The following MAGI2 variants were observed in gnomAD, a reference collection of about 807,000 sequenced individuals.
MAGI2 encodes membrane-associated guanylate kinase, WW and PDZ domain-containing protein 2.
MAGI2 carries 35 observed loss-of-function variants against 133.3 expected under a neutral mutation model. That is an observed-to-expected ratio of 0.26 (90% CI 0.20 to 0.35). The LOEUF is 0.35. MAGI2 is among the 10% of genes least tolerant of loss of function. The pLI is 1.00. For synonymous variants in MAGI2, 729 were observed against 710.6 expected (o/e 1.03, Z -0.41); for missense variants, 1,636 against 1,863.4 (o/e 0.88, Z 2.25).
chr7:78,362,432 C>A (rs551436275), intron 7 of MAGI2, among the ~76,000 whole-genome samples: 1 of 151,966 alleles, frequency 6.6e-6, no homozygotes, highest in African/African-American at 2.4e-5. Flanking sequence ...TACAGAGGGT[C>A]GGGGAGGTAA....
chr7:79,062,756 A>C (rs964666603), intron 1 of MAGI2, among the ~76,000 whole-genome samples: 1 of 152,104 alleles, frequency 6.6e-6, no homozygotes, highest in African/African-American at 2.4e-5. Context: ...CCTGTCATCG[A>C]TGTTTCCTGT....
intron 6 of MAGI2, among the ~76,000 whole-genome samples, chr7:78,424,175 C>T (rs571261465): frequency 1.3e-5 from 2 of 152,210 alleles, no homozygotes; most frequent in Non-Finnish European, 2.9e-5. Flanking sequence ...AGACTTGGTG[C>T]CCTGTGTCCC....
At chr7:79,016,011 T>A (rs144150229) in intron 1 of MAGI2, among the ~76,000 whole-genome samples, 2 of 55,796 alleles carry the variant, frequency 3.6e-5, no homozygotes, top group African/African-American at 6.3e-5. Context: ...GGGGGGGGGG[T>A]GGGGGTTGAG....
chr7:79,420,435 C>A (rs1170658141), intron 1 of MAGI2, among the ~76,000 whole-genome samples: 2 of 151,908 alleles, frequency 1.3e-5, no homozygotes, highest in African/African-American at 4.8e-5. Flanking sequence ...GTTCTGCTTG[C>A]CTTCCTAACC....
intron 9 of MAGI2, among the ~76,000 whole-genome samples, chr7:78,258,805 G>GCTAT (rs1427525895): frequency 9.9e-5 from 15 of 151,984 alleles, no homozygotes; most frequent in African/African-American, 3.1e-4. Context: ...TTTAGTGATG[G>GCTAT]CTATATTACT....
chr7:78,086,868 C>T (rs1816700258), intron 20 of MAGI2, among the ~76,000 whole-genome samples: 2 of 151,896 alleles, frequency 1.3e-5, no homozygotes, highest in Middle Eastern at 3.2e-3. Flanking sequence ...TTACTGAGCT[C>T]AAGTGATCCA....
chr7:79,157,374 A>T lies in MAGI2; in HGVS notation c.302-150168T>A, dbSNP rs118046042. Among the ~76,000 whole-genome samples, 1,369 of 152,092 alleles carry T rather than the reference A, an allele frequency of 9.0e-3. 4 individuals carry two copies. Among genetic ancestry groups the T allele is most frequent in the Non-Finnish European group, 0.014 (981 of 67,984 alleles). On this transcript the variant is annotated intron_variant, in intron 1 of 21. Coordinates refer to ENST00000354212, the MANE Select transcript of MAGI2 (RefSeq NM_012301.4). ...AAAAAGTCTTGTCTAGGAAACGCAT[A>T]TAAGGGCTGATCACCCAGTGTTTTG...
chr7:78,578,474 A>G (rs2150800297), intron 3 of MAGI2, among the ~76,000 whole-genome samples: 1 of 152,274 alleles, frequency 6.6e-6, no homozygotes, highest in East Asian at 1.9e-4. Flanking sequence ...TGGAAAAAAC[A>G]TAGAAGTAAA....
intron 1 of MAGI2, among the ~76,000 whole-genome samples, chr7:79,028,261 A>G (rs1291612346): frequency 1.8e-4 from 4 of 22,422 alleles, no homozygotes; most frequent in African/African-American, 3.9e-4. Flanking sequence ...ATATATATAT[A>G]TATATATGTA....
At chr7:79,073,377 T>A (rs1014854782) in intron 1 of MAGI2, among the ~76,000 whole-genome samples, 5 of 152,194 alleles carry the variant, frequency 3.3e-5, no homozygotes, top group Non-Finnish European at 7.3e-5. Flanking sequence ...GACCATACGT[T>A]CTGTTTTTTC....
Position 78,374,499 on chromosome 7 carries a change from T to G in MAGI2, c.1046-5286A>C, listed in dbSNP as rs886472818. Among the ~76,000 whole-genome samples, 3 of 152,180 alleles carry G rather than the reference T, an allele frequency of 2.0e-5. No individual in the cohort carries two copies. The East Asian group carries it at 5.8e-4, about 29-fold the overall frequency. On this transcript the variant is annotated intron_variant, in intron 6 of 21. Coordinates refer to ENST00000354212, the MANE Select transcript of MAGI2 (RefSeq NM_012301.4). ...ATAGTTTGCAAATATTTTCTCCTAT[T>G]CTGTAGATCTTTTTACTCTGTTGAT...
At chr7:78,116,120 A>G (rs889891633) in intron 20 of MAGI2, among the ~76,000 whole-genome samples, 1 of 152,204 alleles carries the variant, frequency 6.6e-6, no homozygotes, top group African/African-American at 2.4e-5. Flanking sequence ...CTTGTGGAGT[A>G]TTTTCTCTGA....
At chr7:78,290,319 A>G (rs931480463) in intron 9 of MAGI2, among the ~76,000 whole-genome samples, 1 of 152,114 alleles carries the variant, frequency 6.6e-6, no homozygotes, top group African/African-American at 2.4e-5. Context: ...CTGATAAAAC[A>G]GACTTTAACA....
intron 1 of MAGI2, among the ~76,000 whole-genome samples, chr7:79,310,789 A>G (rs1487560663): frequency 1.3e-5 from 2 of 152,136 alleles, no homozygotes; most frequent in Non-Finnish European, 2.9e-5. Flanking sequence ...GTTGAGACCA[A>G]TCACTTCAAC....
At chr7:78,838,020 CTT>C (rs957100827) in intron 2 of MAGI2, among the ~76,000 whole-genome samples, 15 of 152,114 alleles carry the variant, frequency 9.9e-5, no homozygotes, top group African/African-American at 3.6e-4. Flanking sequence ...ACTCAGGTCT[CTT>C]TGACATTGTA....
At chr7:79,343,582 AATT>A (rs879608074) in intron 1 of MAGI2, among the ~76,000 whole-genome samples, 7 of 151,776 alleles carry the variant, frequency 4.6e-5, no homozygotes, top group Non-Finnish European at 8.8e-5. Context: ...CAAATTGGCT[AATT>A]ATTATTTTTT....
chr7:78,156,973 C>A lies in MAGI2; in HGVS notation c.2845+3052G>T, dbSNP rs146723534. 6.1e-3 allele frequency among the ~76,000 whole-genome samples: 932 copies of A among 152,314 alleles called. 6 individuals are homozygous for A. Among genetic ancestry groups the A allele is most frequent in the African/African-American group, 0.021 (877 of 41,568 alleles). Reference sequence around the variant, plus strand: ...ATTCTTAAGTACCTGATAGCATAAACCTCGGTCAGTCTCAGAGAGCCCAAA... The same window carrying A: ...ATTCTTAAGTACCTGATAGCATAAAACTCGGTCAGTCTCAGAGAGCCCAAA... On this transcript the variant is annotated intron_variant, in intron 16 of 21. Transcript: ENST00000354212.
rs2150728761 is a variant in MAGI2 at position 78,558,170 on chromosome 7, T to C, written c.539-36525A>G. On this transcript the variant is annotated intron_variant, in intron 3 of 21. Coordinates refer to ENST00000354212, the MANE Select transcript of MAGI2 (RefSeq NM_012301.4). Reference sequence around the variant, plus strand: ...ATTATCTGATGTTATGAAGTTGCTATGAAATAAACAAAGTTTCTCACTTTT... The same window carrying C: ...ATTATCTGATGTTATGAAGTTGCTACGAAATAAACAAAGTTTCTCACTTTT... 2.0e-5 allele frequency among the ~76,000 whole-genome samples: 3 copies of C among 152,308 alleles called. No homozygotes were observed. The Middle Eastern group carries it at 0.01, about 518-fold the overall frequency.
chr7:79,165,359 G>A (rs1175370990), intron 1 of MAGI2, among the ~76,000 whole-genome samples: 3 of 151,750 alleles, frequency 2.0e-5, no homozygotes, highest in African/African-American at 7.3e-5. Context: ...CAAAGCCCTA[G>A]ACACTCTTTA....
Sources: allele counts gnomAD v4.1 joint callset (sites outside exome capture counted in the v4.1 genomes callset), GRCh38; gene constraint gnomAD v4.1.1; transcripts MANE v1.5; gene names NCBI Gene and HGNC (gene_info 2026-07-23, HGNC 2026-07-21).